The following FAM169A variants were observed in gnomAD, a reference collection of about 807,000 sequenced individuals.
FAM169A encodes family with sequence similarity 169 member A.
FAM169A carries 24 observed loss-of-function variants against 75.7 expected under a neutral mutation model. The observed-to-expected ratio is 0.32, with a 90% CI of 0.23 to 0.45. The LOEUF is 0.45. Among genes scored for constraint, FAM169A ranks in the 20% least tolerant of loss-of-function variants. The probability of loss-of-function intolerance (pLI) is 1.00; values close to 1 mark genes in which losing one functional copy is unlikely to be tolerated. For missense variants in FAM169A, 673 were observed against 784.0 expected, an observed-to-expected ratio of 0.86 and a Z score of 1.69; for synonymous variants, 271 against 271.0, an observed-to-expected ratio of 1.00 and a Z score of 0.00.
At chr5:74,856,193 T>C (rs1433097028) in intron 1 of FAM169A, among the ~76,000 whole-genome samples, 6 of 152,244 alleles carry the variant, frequency 3.9e-5, no homozygotes, top group African/African-American at 1.4e-4. Flanking sequence ...AGCTCTGTAG[T>C]ATAATCTGAG....
At chr5:74,861,576 G>T (rs1443345414) in intron 1 of FAM169A, among the ~76,000 whole-genome samples, 1 of 152,060 alleles carries the variant, frequency 6.6e-6, no homozygotes, top group African/African-American at 2.4e-5. Flanking sequence ...TCAGCCAGGC[G>T]TGCTGATGGG....
intron 5 of FAM169A, among the ~76,000 whole-genome samples, chr5:74,816,363 T>C (rs1347033455): frequency 6.6e-6 from 1 of 152,208 alleles, no homozygotes; most frequent in African/African-American, 2.4e-5. Context: ...GCAGAAAGTT[T>C]CTCATAAATT....
At position 74,866,282 on chromosome 5, in the gene FAM169A, CGCGGCTGCCAGGGCGAGT is replaced by C. The variant is rs1178160193; in HGVS notation, c.-139_-122del. Reference sequence around the variant, plus strand: ...CCGGCCGGTCCCAGGCCGCACAGCTCGCGGCTGCCAGGGCGAGTGCGGCTGCCTCCCGCTCGCCCCGGA... The same window carrying C: ...CCGGCCGGTCCCAGGCCGCACAGCTCGCGGCTGCCTCCCGCTCGCCCCGGA... On this transcript the variant is annotated 5_prime_UTR_variant, in exon 1 of 13. Transcript: ENST00000687041. The C allele has an allele frequency of 7.5e-5, 74 of 984,076 alleles. No individual in the cohort carries two copies. The highest frequency in any genetic ancestry group is 8.8e-5 in the Non-Finnish European group (73 of 829,424). The allele number at this position is 984,076 out of a possible 1,614,324, so 61.0% of individuals were successfully genotyped here. A position where few individuals can be genotyped will look rare whatever the true frequency, so the allele number is the denominator to read the frequency against.
chr5:74,845,231 T>C (rs1749091194), intron 1 of FAM169A, among the ~76,000 whole-genome samples: 1 of 152,134 alleles, frequency 6.6e-6, no homozygotes, highest in Non-Finnish European at 1.5e-5. Flanking sequence ...TAAAACTTCA[T>C]GTACATGCCG....
intron 4 of FAM169A, among the ~76,000 whole-genome samples, chr5:74,835,911 A>G (rs908623913): frequency 6.6e-5 from 10 of 152,160 alleles, no homozygotes; most frequent in African/African-American, 2.4e-4. Flanking sequence ...GCAGCCACAT[A>G]GCCTATAAAT....
chr5:74,865,547 G>C (rs1750277530), intron 1 of FAM169A: 1 of 152,314 alleles, frequency 6.6e-6, no homozygotes, highest in Admixed American at 6.5e-5. Flanking sequence ...TTCACCTCCT[G>C]AGGCACAGGC....
chr5:74,858,153 C>T (rs1749821343), intron 1 of FAM169A, among the ~76,000 whole-genome samples: 1 of 151,372 alleles, frequency 6.6e-6, no homozygotes, highest in South Asian at 2.1e-4. Context: ...TTTGGGAGGC[C>T]AAGGCAGGCA....
intron 10 of FAM169A, among the ~76,000 whole-genome samples, chr5:74,800,456 A>T (rs554077168): frequency 2.5e-4 from 38 of 152,256 alleles, no homozygotes; most frequent in African/African-American, 8.7e-4. Flanking sequence ...CATACCATCA[A>T]ATTCAGCGTG....
intron 5 of FAM169A, among the ~76,000 whole-genome samples, chr5:74,825,258 C>T (rs1561309714): frequency 6.6e-6 from 1 of 152,276 alleles, no homozygotes; most frequent in South Asian, 2.1e-4. Context: ...TTGTGATCTG[C>T]TCCAATCTAG....
At chr5:74,852,163 T>A (rs1157751738) in intron 1 of FAM169A, among the ~76,000 whole-genome samples, 1 of 152,080 alleles carries the variant, frequency 6.6e-6, no homozygotes, top group Non-Finnish European at 1.5e-5. Context: ...CCGACCAAAC[T>A]CCCTAGTATT....
intron 9 of FAM169A, 46 bp downstream of exon 9, chr5:74,801,544 T>C (rs771907587): frequency 2.1e-6 from 3 of 1,453,584 alleles, no homozygotes; most frequent in African/African-American, 1.4e-5. Flanking sequence ...CAGCCCTAAT[T>C]TGAAGTGTCT....
intron 4 of FAM169A, among the ~76,000 whole-genome samples, chr5:74,834,892 T>C (rs1307343617): frequency 6.6e-6 from 1 of 151,674 alleles, no homozygotes; most frequent in Non-Finnish European, 1.5e-5. Context: ...CTTTCAGCAC[T>C]CACCATCTTC....
At chr5:74,821,032 C>A (rs924025941) in intron 5 of FAM169A, among the ~76,000 whole-genome samples, 4 of 152,136 alleles carry the variant, frequency 2.6e-5, no homozygotes, top group Non-Finnish European at 4.4e-5. Flanking sequence ...GAGAGACTTC[C>A]CCTAACTATT....
chr5:74,799,249 TG>T, intron 10 of FAM169A: 1 of 1,490,790 alleles, frequency 6.7e-7, no homozygotes, highest in African/African-American at 1.4e-5. Context: ...AGATGGTGTC[TG>T]GAAGCCAACA....
chr5:74,815,161 AATATACTTAGAT>A (rs199821022), intron 5 of FAM169A, among the ~76,000 whole-genome samples: 2,184 of 151,930 alleles, frequency 0.014, 49 homozygotes, highest in African/African-American at 0.046. Flanking sequence ...TGCATATGGT[AATATACTTAGAT>A]ATTTTTATTT....
intron 1 of FAM169A, among the ~76,000 whole-genome samples, chr5:74,861,493 A>G (rs1381493893): frequency 6.6e-6 from 1 of 152,176 alleles, no homozygotes; most frequent in African/African-American, 2.4e-5. Flanking sequence ...GGAGACCAAG[A>G]CAGGCAGATC....
chr5:74,794,773 CGTCTCAAAAAAAAAAA>C (rs1254196969), intron 11 of FAM169A, among the ~76,000 whole-genome samples: 1 of 137,418 alleles, frequency 7.3e-6, no homozygotes, highest in South Asian at 2.3e-4. Context: ...AGCGCAACTC[CGTCTCAAAAAAAAAAA>C]AAAAAACAAA....
At chr5:74,846,917 C>A (rs1406994848) in intron 1 of FAM169A, among the ~76,000 whole-genome samples, 2 of 152,144 alleles carry the variant, frequency 1.3e-5, no homozygotes, top group Non-Finnish European at 2.9e-5. Flanking sequence ...TACGTCATGG[C>A]AGGGGTGAGA....
At chr5:74,846,804 C>T (rs1749179181) in intron 1 of FAM169A, among the ~76,000 whole-genome samples, 1 of 152,124 alleles carries the variant, frequency 6.6e-6, no homozygotes, top group Non-Finnish European at 1.5e-5. Flanking sequence ...TTCAAGCAAT[C>T]CTTCCGTCTC....
Sources: allele counts gnomAD v4.1 joint callset (sites outside exome capture counted in the v4.1 genomes callset), GRCh38; gene constraint gnomAD v4.1.1; transcripts MANE v1.5; gene names NCBI Gene and HGNC (gene_info 2026-07-23, HGNC 2026-07-21).